Variants in UGT2B17 observed in about 807,000 individuals in gnomAD.
The protein encoded by UGT2B17 is UDP-glucuronosyltransferase 2B17.
In UGT2B17, 21 loss-of-function variants were observed where a neutral mutation model predicts 48.2. The ratio of observed to expected loss-of-function variants is 0.44; its 90% CI spans 0.31 to 0.63. UGT2B17 has a LOEUF of 0.63. Among genes scored for constraint, UGT2B17 ranks in the 20% least tolerant of loss-of-function variants. The pLI is 0.08. For synonymous variants in UGT2B17, 146 were observed against 238.4 expected, an observed-to-expected ratio of 0.61 and a Z score of 3.57; for missense variants, 402 against 696.1, an observed-to-expected ratio of 0.58 and a Z score of 4.75.
chr4:68,565,856 AATAT>A lies in UGT2B17; in HGVS notation c.725-140_725-137del, dbSNP rs1165887394. Reference sequence around the variant, plus strand: ...ATATATAAAATGTCTGCACATTGATAATATATATAAATACATTTATATAATATAA... The same window carrying A: ...ATATATAAAATGTCTGCACATTGATAATATAAATACATTTATATAATATAA... On this transcript the variant is annotated intron_variant, in intron 2 of 6. Coordinates refer to ENST00000317746, the MANE Select transcript of UGT2B17 (RefSeq NM_001077.4). 3.8e-6 allele frequency: 2 copies of A among 524,438 alleles called. 1 individual carries two copies. Among genetic ancestry groups the A allele is most frequent in the Non-Finnish European group, 5.0e-6 (2 of 399,088 alleles). 32.5% of individuals were successfully genotyped at this position (524,438 alleles called of 1,614,324 possible).
rs567095915 is a variant in UGT2B17, at chr4:68,559,720, G to A, written c.1005+817C>T. 8.7e-5 allele frequency among the ~76,000 whole-genome samples: 11 copies of A among 125,840 alleles called. 3 individuals are homozygous for A. The highest frequency in any genetic ancestry group is 7.5e-4 in the East Asian group (1 of 1,328). The allele number at this position is 125,840 out of a possible 152,430, so 82.6% of individuals were successfully genotyped here. On this transcript the variant is annotated intron_variant, in intron 4 of 6. Transcript: ENST00000317746. ...GTATATTCTATAGATTAGAAAATAA[G>A]TTCCTACCATGTTTATTTATAGTTC...
intron 4 of UGT2B17, among the ~76,000 whole-genome samples, chr4:68,559,371 G>T (rs1313453891): frequency 7.9e-6 from 1 of 126,312 alleles, no homozygotes; most frequent in African/African-American, 2.7e-5. Context: ...TACAGATGCT[G>T]AGAATGTAGA....
At chr4:68,544,996 C>T (rs113369058) in intron 6 of UGT2B17, among the ~76,000 whole-genome samples, 1,652 of 125,494 alleles carry the variant, frequency 0.013, 340 homozygotes, top group African/African-American at 0.041. Context: ...AACAAACCAC[C>T]GTCAACATTA....
chr4:68,548,310 C>A (rs185888755), intron 6 of UGT2B17, among the ~76,000 whole-genome samples: 7,311 of 124,900 alleles, frequency 0.059, 1,791 homozygotes, highest in African/African-American at 0.17. Context: ...TCATTCCCAG[C>A]AAACTATCGC....
intron 6 of UGT2B17, among the ~76,000 whole-genome samples, chr4:68,546,242 T>C (rs1350801969): frequency 5.5e-5 from 7 of 126,168 alleles, no homozygotes; most frequent in Admixed American, 1.6e-4. Flanking sequence ...CAAGTGGGCT[T>C]CATCCCTGGG....
rs1242127616 is a variant in UGT2B17 at position 68,563,318 on chromosome 4, C to T, written c.873+2254G>A. ...AAGTCTACCTTTTGCAGGTTAACAA[C>T]AACAGCCAGTGCCGGGCACGGAGGC... On this transcript the variant is annotated intron_variant, in intron 3 of 6. Coordinates refer to ENST00000317746, the MANE Select transcript of UGT2B17 (RefSeq NM_001077.4). Among the ~76,000 whole-genome samples, 9 of 127,136 alleles carry T rather than the reference C, an allele frequency of 7.1e-5. 1 individual carries two copies. The highest frequency in any genetic ancestry group is 2.4e-4 in the African/African-American group (9 of 37,240). The allele number at this position is 127,136 out of a possible 152,430, so 83.4% of individuals were successfully genotyped here. A position where few individuals can be genotyped will look rare whatever the true frequency, so the allele number is the denominator to read the frequency against.
At position 68,538,406 on chromosome 4, in the gene UGT2B17, T is replaced by C. The variant is rs1209575048; in HGVS notation, c.1314-502A>G. Among the ~76,000 whole-genome samples the C allele has an allele frequency of 3.2e-5, 4 of 124,076 alleles. 1 individual carries two copies. Among genetic ancestry groups the C allele is most frequent in the African/African-American group, 1.1e-4 (4 of 36,214 alleles). The allele number at this position is 124,076 out of a possible 152,430, so 81.4% of individuals were successfully genotyped here. A position where few individuals can be genotyped will look rare whatever the true frequency, so the allele number is the denominator to read the frequency against. The stretch of plus-strand genomic sequence containing the variant: ...CGCACCACCATGCCTGGCTATATTT[T>C]TTATTTTTTACATTTTTAGATATGA... On this transcript the variant is annotated intron_variant, in intron 6 of 6. Transcript: ENST00000317746.
In UGT2B17 at chr4:68,553,729, T is replaced by G. The variant is rs1451631579; in HGVS notation, c.1006-1818A>C. On this transcript the variant is annotated intron_variant, in intron 4 of 6. Coordinates refer to ENST00000317746, the MANE Select transcript of UGT2B17 (RefSeq NM_001077.4). ...TTTTTTTCCTCCTAGGAAGTTGTTG[T>G]TTAAGAATCCTAATTCTAGTTTGGA... is the stretch of plus-strand genomic sequence containing the variant. 3.2e-5 allele frequency among the ~76,000 whole-genome samples: 4 copies of G among 124,682 alleles called. 2 individuals are homozygous for G. The highest frequency in any genetic ancestry group is 3.4e-5 in the Non-Finnish European group (2 of 58,940). The allele number at this position is 124,682 out of a possible 152,430, so 81.8% of individuals were successfully genotyped here.
At chr4:68,558,289 A>G (rs1341446692) in intron 4 of UGT2B17, among the ~76,000 whole-genome samples, 1 of 124,428 alleles carries the variant, frequency 8.0e-6, no homozygotes, top group African/African-American at 2.7e-5. Flanking sequence ...TACTGTCTAC[A>G]GTTTGGACTG....
intron 6 of UGT2B17, among the ~76,000 whole-genome samples, chr4:68,541,213 G>A: frequency 8.0e-6 from 1 of 125,518 alleles, no homozygotes; most frequent in Non-Finnish European, 1.7e-5. Context: ...GATCTTTGAG[G>A]AATCACCACA....
rs775622504 is a variant in UGT2B17, at chr4:68,570,039, A to G, written c.-64-1491T>C. The stretch of plus-strand genomic sequence containing the variant: ...GCAAGCCACAGCAACCAGACAAAGG[A>G]AACTCCTCAGCCTCCAGTTGCCTCT... On this transcript the variant is annotated intron_variant, in intron 1 of 6. Coordinates refer to ENST00000317746, the MANE Select transcript of UGT2B17 (RefSeq NM_001077.4). Among the ~76,000 whole-genome samples the G allele has an allele frequency of 5.6e-5, 7 of 126,062 alleles. 2 individuals are homozygous for G. The highest frequency in any genetic ancestry group is 8.4e-5 in the Non-Finnish European group (5 of 59,478). 82.7% of individuals were successfully genotyped at this position (126,062 alleles called of 152,430 possible).
rs1360190105 is a variant in UGT2B17, at chr4:68,545,418, C to G, written c.1313+5259G>C. Among the ~76,000 whole-genome samples the G allele has an allele frequency of 4.8e-5, 6 of 124,430 alleles. 2 individuals are homozygous for G. The highest frequency in any genetic ancestry group is 5.1e-5 in the Non-Finnish European group (3 of 59,070). 81.6% of individuals were successfully genotyped at this position (124,430 alleles called of 152,430 possible). The stretch of plus-strand genomic sequence containing the variant: ...CATACCAGAATCTCTGGGACGCATT[C>G]AAAGCAGTGTGTAGATGGAAATTTA... On this transcript the variant is annotated intron_variant, in intron 6 of 6. Transcript: ENST00000317746.
chr4:68,537,705 T>C lies in UGT2B17; in HGVS notation c.1513A>G (p.Met505Val), dbSNP rs377616205. The C allele has an allele frequency of 2.6e-5, 36 of 1,378,780 alleles. 9 individuals carry two copies. Among genetic ancestry groups the C allele is most frequent in the African/African-American group, 7.4e-5 (5 of 67,804 alleles). 85.4% of individuals were successfully genotyped at this position (1,378,780 alleles called of 1,614,324 possible). A position where few individuals can be genotyped will look rare whatever the true frequency, so the allele number is the denominator to read the frequency against. Residue 505 changes from methionine to valine, a missense_variant, in exon 7 of 7, where the codon ATG (methionine) becomes GTG (valine). This residue lies in a region of UGT2B17 where 156 missense variants were observed against 258.6 expected (regional missense o/e 0.60). Coordinates refer to ENST00000317746, the MANE Select transcript of UGT2B17 (RefSeq NM_001077.4). ...CAACATTTTGTGATCATAAATATCA[T>C]AGTTGCCACGCAGGCCAGCAGGAAT... ...IAFLLACVAT[M>V]IFMITKCCLF...
At chr4:68,544,105 A>G (rs1730745067) in intron 6 of UGT2B17, among the ~76,000 whole-genome samples, 1 of 125,858 alleles carries the variant, frequency 7.9e-6, no homozygotes, top group South Asian at 3.7e-4. Context: ...CTCCTCAAGA[A>G]GAGCAACTCC....
At chr4:68,560,695 GA>G in intron 3 of UGT2B17, 27 bp from the exon 4 acceptor site, 1 of 1,114,772 alleles carries the variant, frequency 9.0e-7, no homozygotes, top group African/African-American at 2.2e-5. Context: ...TGTTCTATCA[GA>G]AAAGAGCAAC....
rs1184881093 is a variant in UGT2B17, at chr4:68,565,692, C to T, written c.753G>A (p.Met251Ile). The change falls in exon 3 of 7, where the codon ATG (methionine) becomes ATA (isoleucine). Residue 251 changes from methionine to isoleucine, a missense_variant. Transcript: ENST00000317746. ...LGRPTTLFET[M>I]GKAEMWLIRT... Reference sequence around the variant, plus strand: ...GAATGAGCCACATTTCAGCTTTCCCCATTGTCTCAAATAATGTAGTGGGTC... The same window carrying T: ...GAATGAGCCACATTTCAGCTTTCCCTATTGTCTCAAATAATGTAGTGGGTC... 4 of 1,363,046 alleles carry T rather than the reference C, an allele frequency of 2.9e-6. 1 individual carries two copies. The highest frequency in any genetic ancestry group is 3.5e-5 in the South Asian group (2 of 57,626). The allele number at this position is 1,363,046 out of a possible 1,614,324, so 84.4% of individuals were successfully genotyped here.
chr4:68,568,185 A>T lies in UGT2B17; in HGVS notation c.300T>A (p.Ser100Arg), dbSNP rs533812673. ...ATGACCAAAATGTATTTTTTGAAATACTATATGTCCATCTATCGAACATTT... is the reference window on the plus strand; with the variant it reads ...ATGACCAAAATGTATTTTTTGAAATTCTATATGTCCATCTATCGAACATTT... ...FMKMFDRWTYSISKNTFWSYF... is the reference protein window; with the variant it reads ...FMKMFDRWTYRISKNTFWSYF... The change falls in exon 2 of 7, where the codon AGT (serine) becomes AGA (arginine). Residue 100 changes from serine (S) to arginine (R), a missense_variant. By Grantham distance (110) the Ser-to-Arg change is moderately radical. Coordinates refer to ENST00000317746, the MANE Select transcript of UGT2B17 (RefSeq NM_001077.4). 31 of 1,377,868 alleles carry T rather than the reference A, an allele frequency of 2.2e-5. 3 individuals are homozygous for T. In the African/African-American group the frequency reaches 3.8e-4, roughly 17 times the overall value. The allele number at this position is 1,377,868 out of a possible 1,614,324, so 85.4% of individuals were successfully genotyped here.
Position 68,561,983 on chromosome 4 carries a change from T to TG in UGT2B17, c.874-1316dup, listed in dbSNP as rs915492818. ...AAATATACTTTCTGGTCCTAATCAT[T>TG]GGGGGAAATTTCTTTATAAAACTGT... On this transcript the variant is annotated intron_variant, in intron 3 of 6. Coordinates refer to ENST00000317746, the MANE Select transcript of UGT2B17 (RefSeq NM_001077.4). Among the ~76,000 whole-genome samples, 3 of 124,444 alleles carry TG rather than the reference T, an allele frequency of 2.4e-5. 1 individual carries two copies. Among genetic ancestry groups the TG allele is most frequent in the Admixed American group, 1.6e-4 (2 of 12,124 alleles). The allele number at this position is 124,444 out of a possible 152,430, so 81.6% of individuals were successfully genotyped here. A position where few individuals can be genotyped will look rare whatever the true frequency, so the allele number is the denominator to read the frequency against.
rs1275560910 is a variant in UGT2B17, at chr4:68,574,591, T to G, written c.-65+1360A>C. On this transcript the variant is annotated intron_variant, in intron 1 of 6. Coordinates refer to ENST00000317746, the MANE Select transcript of UGT2B17 (RefSeq NM_001077.4). ...TTCTTTAAATTAACATTTTAAAACT[T>G]GCTTGAACTTTTCAAACAATAATTC... 1.6e-5 allele frequency among the ~76,000 whole-genome samples: 2 copies of G among 127,160 alleles called. 1 individual carries two copies. The highest frequency in any genetic ancestry group is 3.3e-5 in the Non-Finnish European group (2 of 59,926). The allele number at this position is 127,160 out of a possible 152,430, so 83.4% of individuals were successfully genotyped here. A position where few individuals can be genotyped will look rare whatever the true frequency, so the allele number is the denominator to read the frequency against.
Sources: allele counts gnomAD v4.1 joint callset (sites outside exome capture counted in the v4.1 genomes callset), GRCh38; gene constraint gnomAD v4.1.1; regional missense constraint gnomAD v4.1.1; transcripts MANE v1.5; gene names NCBI Gene and HGNC (gene_info 2026-07-23, HGNC 2026-07-21).